The following RERE variants were observed in gnomAD, a reference collection of about 807,000 sequenced individuals.
RERE encodes arginine-glutamic acid dipeptide repeats protein.
Under a neutral mutation model 146.1 loss-of-function variants are expected in RERE, and 40 were observed. That is an observed-to-expected ratio of 0.27 (90% CI 0.21 to 0.36). The LOEUF is 0.36. RERE is among the 10% of genes least tolerant of loss of function. The probability of loss-of-function intolerance (pLI) is 1.00; values close to 1 mark genes in which losing one functional copy is unlikely to be tolerated. For missense variants in RERE, 1,933 were observed against 2,138.7 expected (o/e 0.90, Z 1.90); for synonymous variants, 1,003 against 866.0 (o/e 1.16, Z -2.78).
At chr1:8,725,539 C>T (rs1639945344) in intron 1 of RERE, among the ~76,000 whole-genome samples, 1 of 152,160 alleles carries the variant, frequency 6.6e-6, no homozygotes, top group African/African-American at 2.4e-5. Flanking sequence ...GCACTCCAGC[C>T]TGAGCAACAG....
intron 2 of RERE, among the ~76,000 whole-genome samples, chr1:8,627,948 T>C (rs998669888): frequency 2.0e-5 from 3 of 152,154 alleles, no homozygotes; most frequent in East Asian, 3.9e-4. Flanking sequence ...TTCTCAGCAG[T>C]TGTACTGGAG....
chr1:8,749,870 G>A (rs766306042), intron 1 of RERE, among the ~76,000 whole-genome samples: 2 of 152,182 alleles, frequency 1.3e-5, no homozygotes, highest in Non-Finnish European at 2.9e-5. Context: ...ATGAACTACA[G>A]GCCAGGCGCA....
chr1:8,760,206 C>T lies in RERE; in HGVS notation c.-145+56954G>A, dbSNP rs566802170. On this transcript the variant is annotated intron_variant, in intron 1 of 22. Transcript: ENST00000400908. ...GCGCCCAGCTAATTTTTTGTATTTTCAGTAGAGACGGGGTTTCATCATGTT... is the reference window on the plus strand; with the variant it reads ...GCGCCCAGCTAATTTTTTGTATTTTTAGTAGAGACGGGGTTTCATCATGTT... 7.9e-5 allele frequency among the ~76,000 whole-genome samples: 12 copies of T among 152,112 alleles called. 1 individual carries two copies. The South Asian group carries it at 2.5e-3, about 32-fold the overall frequency.
At chr1:8,396,999 G>T (rs1054326889) in intron 12 of RERE, among the ~76,000 whole-genome samples, 5 of 152,232 alleles carry the variant, frequency 3.3e-5, no homozygotes, top group Admixed American at 1.3e-4. Flanking sequence ...CACATCTGGT[G>T]AGACAGTTAT....
chr1:8,714,147 T>A (rs2124463240), intron 1 of RERE, among the ~76,000 whole-genome samples: 1 of 152,358 alleles, frequency 6.6e-6, no homozygotes, highest in East Asian at 1.9e-4. Context: ...GTTATAGCTA[T>A]CTTTAAATTT....
intron 10 of RERE, among the ~76,000 whole-genome samples, chr1:8,479,072 C>T (rs942952593): frequency 3.9e-5 from 6 of 152,076 alleles, no homozygotes; most frequent in Admixed American, 2.6e-4. Context: ...TTCTCAATAT[C>T]AGAAACTCCA....
At chr1:8,786,058 CAG>C (rs1273299362) in intron 1 of RERE, among the ~76,000 whole-genome samples, 5 of 152,204 alleles carry the variant, frequency 3.3e-5, no homozygotes, top group Non-Finnish European at 5.9e-5. Flanking sequence ...ACATCCCCTG[CAG>C]AGTCTGGCCA....
intron 4 of RERE, among the ~76,000 whole-genome samples, chr1:8,599,881 A>C (rs1003161874): frequency 6.6e-6 from 1 of 152,146 alleles, no homozygotes; most frequent in Admixed American, 6.5e-5. Flanking sequence ...GCCATTCCTC[A>C]TCCATTTGTA....
intron 11 of RERE, among the ~76,000 whole-genome samples, chr1:8,459,312 T>C (rs1423258301): frequency 3.3e-5 from 5 of 152,210 alleles, no homozygotes; most frequent in Non-Finnish European, 7.3e-5. Context: ...ACGTGTAATA[T>C]ATCAACATTT....
In RERE at chr1:8,358,450, T is replaced by C; in HGVS notation, c.4085A>G (p.His1362Arg). 6.3e-7 allele frequency: 1 copy of C among 1,588,486 alleles called. No homozygotes were observed. The change falls in exon 20 of 23, where the codon CAC (histidine) becomes CGC (arginine). Residue 1362 changes from histidine (H) to arginine (R), a missense_variant. Physicochemically the swap from His to Arg is conservative, Grantham distance 29 (BLOSUM62 0). This residue lies in a region of RERE where 1,255 missense variants were observed against 1,153.8 expected (regional missense o/e 1.09). Transcript: ENST00000400908. ...ALTIPPTAGP[H>R]PFASFHPGLN... ...GCCCGGGTGGAAAGAAGCAAAAGGG[T>C]GGGGCCCGGCGGTCGGGGGGATGGT...
intron 1 of RERE, among the ~76,000 whole-genome samples, chr1:8,735,577 A>G (rs971823467): frequency 4.6e-5 from 7 of 152,108 alleles, no homozygotes; most frequent in African/African-American, 1.4e-4. Flanking sequence ...ATATTCCATA[A>G]TAATATGGTT....
chr1:8,476,127 G>T (rs1053468932), intron 10 of RERE, among the ~76,000 whole-genome samples: 1 of 152,116 alleles, frequency 6.6e-6, no homozygotes, highest in Non-Finnish European at 1.5e-5. Flanking sequence ...GGAGGGGGTC[G>T]CAACATTTGC....
chr1:8,506,198 A>C lies in RERE; in HGVS notation c.879+2429T>G, dbSNP rs575050621. 2.4e-3 allele frequency among the ~76,000 whole-genome samples: 363 copies of C among 152,344 alleles called. 2 individuals are homozygous for C. The highest frequency in any genetic ancestry group is 8.3e-3 in the African/African-American group (346 of 41,584). ...ATGGGAGACGAAACTGAGTGGCATT[A>C]GGTTGAGTATCAGGTTCCCAGACCG... On this transcript the variant is annotated intron_variant, in intron 8 of 22. Coordinates refer to ENST00000400908, the MANE Select transcript of RERE (RefSeq NM_001042681.2).
chr1:8,811,308 T>C (rs756679042), intron 1 of RERE, among the ~76,000 whole-genome samples: 3 of 152,084 alleles, frequency 2.0e-5, no homozygotes, highest in Non-Finnish European at 4.4e-5. Flanking sequence ...AGGAAGAAGG[T>C]CAAGAATCAG....
At chr1:8,480,674 G>A (rs769019441) in intron 10 of RERE, among the ~76,000 whole-genome samples, 1 of 152,092 alleles carries the variant, frequency 6.6e-6, no homozygotes, top group Non-Finnish European at 1.5e-5. Flanking sequence ...GACCTAAGGT[G>A]ATCCACCCGC....
chr1:8,618,216 T>TG (rs1646878915), intron 3 of RERE, among the ~76,000 whole-genome samples: 1 of 152,226 alleles, frequency 6.6e-6, no homozygotes, highest in Non-Finnish European at 1.5e-5. Flanking sequence ...TGTCATTCTA[T>TG]GGGGCACTGG....
chr1:8,506,200 GTTGAGTA>G lies in RERE; in HGVS notation c.879+2420_879+2426del, dbSNP rs550804303. ...GGGAGACGAAACTGAGTGGCATTAG[GTTGAGTA>G]TCAGGTTCCCAGACCGAAAATACAG... On this transcript the variant is annotated intron_variant, in intron 8 of 22. Coordinates refer to ENST00000400908, the MANE Select transcript of RERE (RefSeq NM_001042681.2). Among the ~76,000 whole-genome samples the G allele has an allele frequency of 2.4e-3, 363 of 152,320 alleles. 2 individuals carry two copies. The highest frequency in any genetic ancestry group is 8.3e-3 in the African/African-American group (346 of 41,570).
chr1:8,683,360 C>T (rs1315932541), intron 1 of RERE, among the ~76,000 whole-genome samples: 1 of 152,056 alleles, frequency 6.6e-6, no homozygotes, highest in African/African-American at 2.4e-5. Context: ...CATAAAAGGG[C>T]ACCACTTAGT....
intron 12 of RERE, among the ~76,000 whole-genome samples, chr1:8,373,298 T>C (rs188347593): frequency 6.6e-6 from 1 of 152,186 alleles, no homozygotes; most frequent in African/African-American, 2.4e-5. Flanking sequence ...AATGTGCAAT[T>C]AGAGTCAGAA....
Sources: allele counts gnomAD v4.1 joint callset (sites outside exome capture counted in the v4.1 genomes callset), GRCh38; gene constraint gnomAD v4.1.1; regional missense constraint gnomAD v4.1.1; transcripts MANE v1.5; gene names NCBI Gene and HGNC (gene_info 2026-07-23, HGNC 2026-07-21).